Variants in FNDC3A observed in about 807,000 individuals in gnomAD.
FNDC3A encodes the protein fibronectin type III domain containing 3A.
In FNDC3A, 32 loss-of-function variants were observed where a neutral mutation model predicts 148.9. The observed-to-expected ratio is 0.21, with a 90% CI of 0.16 to 0.29. The LOEUF is 0.29. FNDC3A is among the 10% of genes least tolerant of loss of function. The pLI is 1.00. For synonymous variants in FNDC3A, 472 were observed against 473.6 expected (o/e 1.00, Z 0.04); for missense variants, 1,191 against 1,452.8 (o/e 0.82, Z 2.93).
At chr13:49,174,106 C>T (rs955772908) in intron 11 of FNDC3A, among the ~76,000 whole-genome samples, 1 of 152,106 alleles carries the variant, frequency 6.6e-6, no homozygotes, top group Non-Finnish European at 1.5e-5. Context: ...TATCAAAGAT[C>T]GTCACCCCAT....
chr13:49,061,945 G>A (rs1272048365), intron 2 of FNDC3A, among the ~76,000 whole-genome samples: 2 of 149,074 alleles, frequency 1.3e-5, no homozygotes, highest in Non-Finnish European at 1.5e-5. Flanking sequence ...GAGAAGAATG[G>A]TGACTAATAC....
chr13:49,026,227 G>GT, intron 2 of FNDC3A, among the ~76,000 whole-genome samples: 1 of 152,264 alleles, frequency 6.6e-6, no homozygotes, highest in East Asian at 1.9e-4. Flanking sequence ...AAATAGCAGT[G>GT]TATACTAATA....
At chr13:49,197,539 A>G (rs1407267099) in intron 20 of FNDC3A, among the ~76,000 whole-genome samples, 186 bp from the exon 21 acceptor site, 1 of 150,946 alleles carries the variant, frequency 6.6e-6, no homozygotes, top group Non-Finnish European at 1.5e-5. Context: ...TATTTGACCA[A>G]TCTTAAATTC....
At chr13:49,041,529 G>A (rs1874928781) in intron 2 of FNDC3A, among the ~76,000 whole-genome samples, 1 of 152,118 alleles carries the variant, frequency 6.6e-6, no homozygotes, top group Admixed American at 6.5e-5. Flanking sequence ...ACCTATTATT[G>A]GCTAGGCACA....
At chr13:49,050,656 C>T (rs1875768437) in intron 2 of FNDC3A, among the ~76,000 whole-genome samples, 1 of 152,080 alleles carries the variant, frequency 6.6e-6, no homozygotes, top group South Asian at 2.1e-4. Context: ...CCTGTTAAGT[C>T]CATTTGTTGT....
intron 2 of FNDC3A, among the ~76,000 whole-genome samples, chr13:49,021,469 T>C (rs1187948070): frequency 6.6e-6 from 1 of 152,206 alleles, no homozygotes; most frequent in East Asian, 1.9e-4. Context: ...CTTTTGGAGA[T>C]GAGACTTTTA....
intron 2 of FNDC3A, among the ~76,000 whole-genome samples, chr13:49,060,657 A>C (rs1203898158): frequency 6.6e-6 from 1 of 151,228 alleles, no homozygotes; most frequent in African/African-American, 2.4e-5. Flanking sequence ...AAAAAAAAAA[A>C]AAAAAAAAAA....
intron 3 of FNDC3A, among the ~76,000 whole-genome samples, chr13:49,085,160 A>G (rs902344769): frequency 3.9e-5 from 6 of 152,066 alleles, no homozygotes; most frequent in South Asian, 2.1e-4. Context: ...CATTCCTGCA[A>G]TTAGTCAGCT....
At chr13:49,073,071 CAT>C (rs1877812128) in intron 2 of FNDC3A, among the ~76,000 whole-genome samples, 1 of 152,122 alleles carries the variant, frequency 6.6e-6, no homozygotes. Context: ...GCTTGATAGC[CAT>C]ATGGCTCTTG....
chr13:49,030,159 A>C (rs1184151888), intron 2 of FNDC3A, among the ~76,000 whole-genome samples: 1 of 152,236 alleles, frequency 6.6e-6, no homozygotes, highest in Non-Finnish European at 1.5e-5. Context: ...AATCAAGTCC[A>C]TGAACATATA....
chr13:49,083,673 G>A (rs750471423), intron 3 of FNDC3A, among the ~76,000 whole-genome samples: 17 of 152,206 alleles, frequency 1.1e-4, no homozygotes, highest in South Asian at 2.1e-4. Flanking sequence ...CACCCGCCTC[G>A]GCCTCCCAAA....
chr13:49,145,143 T>C (rs1882921086), intron 7 of FNDC3A, among the ~76,000 whole-genome samples: 1 of 152,156 alleles, frequency 6.6e-6, no homozygotes, highest in South Asian at 2.1e-4. Flanking sequence ...AATTTCTGAA[T>C]CAAAAAGTAA....
rs140556094 is a variant in FNDC3A at position 49,172,081 on chromosome 13, A to G, written c.1215A>G (p.Val405=). The G allele has an allele frequency of 8.9e-5, 142 of 1,603,210 alleles. 1 individual carries two copies. The African/African-American group carries it at 1.7e-3, about 19-fold the overall frequency. The change falls in exon 11 of 26, where the codon GTA becomes GTG. Residue 405 remains valine, a synonymous_variant. Transcript: ENST00000492622. ...SDNGSKIQNF[V]LEWDEGKGNG... ...ATGGTTCTAAAATCCAAAACTTTGT[A>G]TTAGAATGGGATGAAGTAAGTAAAT...
In FNDC3A at chr13:49,175,549, C is replaced by T. The variant is rs776319259; in HGVS notation, c.1530+8C>T. ...ATGGAGGAAGAAACTTCAGTAAGTG[C>T]AAATATGGATTTTAAATAGTGTATT... On this transcript the variant is annotated splice_region_variant and intron_variant, in intron 13 of 25. Coordinates refer to ENST00000492622, the MANE Select transcript of FNDC3A (RefSeq NM_001079673.2). 1 of 1,579,968 alleles carries T rather than the reference C, an allele frequency of 6.3e-7. No individual in the cohort carries two copies. Among genetic ancestry groups the T allele is most frequent in the East Asian group, 2.3e-5 (1 of 44,384 alleles).
At chr13:49,130,871 C>G in intron 4 of FNDC3A, among the ~76,000 whole-genome samples, 1 of 152,090 alleles carries the variant, frequency 6.6e-6, no homozygotes, top group East Asian at 1.9e-4. Flanking sequence ...CAGGTTCAAG[C>G]AATTCTGCCT....
chr13:48,982,676 T>A (rs1951714892), intron 1 of FNDC3A, among the ~76,000 whole-genome samples: 1 of 152,192 alleles, frequency 6.6e-6, no homozygotes, highest in African/African-American at 2.4e-5. Context: ...TAATTATAAT[T>A]TCCTTTGTCT....
At chr13:48,979,022 CTTTAATA>C (rs1951653000) in intron 1 of FNDC3A, among the ~76,000 whole-genome samples, 1 of 152,050 alleles carries the variant, frequency 6.6e-6, no homozygotes, top group African/African-American at 2.4e-5. Context: ...TTTTGCTTGT[CTTTAATA>C]TATACTTTCA....
At chr13:49,190,048 G>A (rs532092343) in intron 17 of FNDC3A, among the ~76,000 whole-genome samples, 4 of 152,052 alleles carry the variant, frequency 2.6e-5, no homozygotes, top group Non-Finnish European at 2.9e-5. Flanking sequence ...CACCATGCCC[G>A]GCTACTTTTT....
chr13:49,090,936 G>GC (rs1879152381), intron 3 of FNDC3A, among the ~76,000 whole-genome samples: 3 of 152,236 alleles, frequency 2.0e-5, no homozygotes, highest in Non-Finnish European at 4.4e-5. Flanking sequence ...CAAGGTTGCA[G>GC]TGAGCTATGC....
Sources: allele counts gnomAD v4.1 joint callset (sites outside exome capture counted in the v4.1 genomes callset), GRCh38; gene constraint gnomAD v4.1.1; transcripts MANE v1.5; gene names NCBI Gene and HGNC (gene_info 2026-07-23, HGNC 2026-07-21).